The following FAT3 variants were observed in gnomAD, a reference collection of about 807,000 sequenced individuals.
FAT3 encodes protocadherin Fat 3.
FAT3 carries 95 observed loss-of-function variants against 310.2 expected under a neutral mutation model. The ratio of observed to expected loss-of-function variants is 0.31; its 90% confidence interval spans 0.26 to 0.36. The LOEUF is 0.36. Ranked by LOEUF, FAT3 falls within the 10% of genes least tolerant of loss-of-function variation. The pLI, the probability that FAT3 is intolerant of heterozygous loss-of-function variation, is 1.00. For synonymous variants in FAT3, 2,314 were observed against 2,192.9 expected, an observed-to-expected ratio of 1.06 and a Z score of -1.54; for missense variants, 5,408 against 5,715.6, an observed-to-expected ratio of 0.95 and a Z score of 1.74.
intron 7 of FAT3, among the ~76,000 whole-genome samples, chr11:92,779,708 A>G (rs1946689982): frequency 6.6e-6 from 1 of 152,158 alleles, no homozygotes; most frequent in Non-Finnish European, 1.5e-5. Context: ...TACATGGCAA[A>G]TGGGACTTCG....
At chr11:92,358,726 T>C (rs1032686081) in intron 2 of FAT3, among the ~76,000 whole-genome samples, 3 of 152,138 alleles carry the variant, frequency 2.0e-5, no homozygotes, top group African/African-American at 7.2e-5. Context: ...CAATTGTATG[T>C]TCAATAAGAG....
At chr11:92,729,463 G>A (rs1463787708) in intron 4 of FAT3, among the ~76,000 whole-genome samples, 1 of 139,822 alleles carries the variant, frequency 7.2e-6, no homozygotes, top group Non-Finnish European at 1.5e-5. Flanking sequence ...GTCTCGCTCT[G>A]TCACCCAGGC....
chr11:92,619,799 A>G (rs1940998444), intron 3 of FAT3, among the ~76,000 whole-genome samples: 1 of 151,800 alleles, frequency 6.6e-6, no homozygotes, highest in Non-Finnish European at 1.5e-5. Context: ...GAGCTTTTTA[A>G]AAAAAACACT....
At chr11:92,225,832 G>A (rs140696194) in intron 1 of FAT3, among the ~76,000 whole-genome samples, 280 of 152,282 alleles carry the variant, frequency 1.8e-3, no homozygotes, top group Non-Finnish European at 3.5e-3. Flanking sequence ...CATCCTTTAC[G>A]GAGTGGTTGG....
In FAT3 at chr11:92,889,766, T is replaced by A. The variant is rs1031608419; in HGVS notation, c.13112-90T>A. On this transcript the variant is annotated intron_variant, in intron 26 of 27. Coordinates refer to ENST00000525166, the MANE Select transcript of FAT3 (RefSeq NM_001367949.2). ...CGTAGCCCACAGGCCTTTAGGAGTA[T>A]GTTTTTAAAAGTCATCTCAAATGTT... is the stretch of plus-strand genomic sequence containing the variant. 4 of 708,750 alleles carry A rather than the reference T, an allele frequency of 5.6e-6. No homozygotes were observed. The African/African-American group carries it at 7.0e-5, about 12-fold the overall frequency. The allele number at this position is 708,750 out of a possible 1,614,324, so 43.9% of individuals were successfully genotyped here. A position where few individuals can be genotyped will look rare whatever the true frequency, so the allele number is the denominator to read the frequency against.
At chr11:92,550,773 T>TTTA (rs1334022970) in intron 3 of FAT3, among the ~76,000 whole-genome samples, 2 of 151,018 alleles carry the variant, frequency 1.3e-5, no homozygotes, top group Non-Finnish European at 2.9e-5. Context: ...CATTTATCTT[T>TTTA]TTTTTTTTTT....
intron 3 of FAT3, among the ~76,000 whole-genome samples, chr11:92,613,107 T>G (rs2135632311): frequency 2.0e-5 from 3 of 152,350 alleles, no homozygotes; most frequent in Admixed American, 2.0e-4. Flanking sequence ...AGATCAGAGT[T>G]TCCTATAGAT....
chr11:92,354,364 A>G lies in FAT3; in HGVS notation c.2252A>G (p.Tyr751Cys), dbSNP rs749591745. 16 of 1,613,824 alleles carry G rather than the reference A, an allele frequency of 9.9e-6. No individual in the cohort carries two copies. Among genetic ancestry groups the G allele is most frequent in the East Asian group, 2.2e-5 (1 of 44,894 alleles). ...VGANILKIKA[Y>C]DADSGFNGKV... ...GCTAACATTCTGAAGATTAAAGCCT[A>G]TGATGCCGACTCTGGCTTCAATGGA... Residue 751 changes from tyrosine to cysteine, a missense_variant, in exon 2 of 28, where the codon TAT becomes TGT. Transcript: ENST00000525166.
At chr11:92,598,330 A>G (rs945249616) in intron 3 of FAT3, among the ~76,000 whole-genome samples, 5 of 151,666 alleles carry the variant, frequency 3.3e-5, no homozygotes, top group African/African-American at 9.7e-5. Flanking sequence ...GGCTCAAGCA[A>G]TCTTCCTGCC....
chr11:92,447,215 A>ATGTGTGTGTG (rs369295353), intron 2 of FAT3, among the ~76,000 whole-genome samples: 122 of 123,008 alleles, frequency 9.9e-4, no homozygotes, highest in African/African-American at 3.2e-3. Flanking sequence ...GTGTATGTAT[A>ATGTGTGTGTG]TGTGTGCGTG....
rs116451476 is a variant in FAT3 at position 92,474,979 on chromosome 11, G to A, written c.3293-49655G>A. On this transcript the variant is annotated intron_variant, in intron 2 of 27. Coordinates refer to ENST00000525166, the MANE Select transcript of FAT3 (RefSeq NM_001367949.2). ...CTTTCTGATGATCTGCACCTGGCAGGCCTCATGGGCACATTGCCCTTCCCA... is the reference window on the plus strand; with the variant it reads ...CTTTCTGATGATCTGCACCTGGCAGACCTCATGGGCACATTGCCCTTCCCA... Among the ~76,000 whole-genome samples the A allele has an allele frequency of 7.2e-3, 1,092 of 152,276 alleles. 15 individuals are homozygous for A. Among genetic ancestry groups the A allele is most frequent in the African/African-American group, 0.025 (1,024 of 41,554 alleles).
chr11:92,449,962 A>G (rs974247869), intron 2 of FAT3, among the ~76,000 whole-genome samples: 1 of 152,170 alleles, frequency 6.6e-6, no homozygotes, highest in Admixed American at 6.5e-5. Context: ...TGAAGTTACC[A>G]TGGCCAACCA....
chr11:92,801,762 A>G lies in FAT3; in HGVS notation c.8749A>G (p.Ile2917Val). 1 of 1,613,956 alleles carries G rather than the reference A, an allele frequency of 6.2e-7. No homozygotes were observed. Residue 2917 changes from isoleucine to valine, a missense_variant, in exon 10 of 28, where the codon ATA becomes GTA. Ile to Val is a conservative substitution (Grantham distance 29). This residue lies in a region of FAT3 where 4,588 missense variants were observed against 4,809.8 expected (regional missense o/e 0.95). Coordinates refer to ENST00000525166, the MANE Select transcript of FAT3 (RefSeq NM_001367949.2). Reference sequence around the variant, plus strand: ...CTTGGTCTCTGTCAGAGTGACAGATATAAATGACAATGCACCAGTCTTCGC... The same window carrying G: ...CTTGGTCTCTGTCAGAGTGACAGATGTAAATGACAATGCACCAGTCTTCGC... ...TALVSVRVTD[I>V]NDNAPVFAQE... is the part of the protein sequence containing the mutation.
rs1943978376 is a variant in FAT3 at position 92,697,531 on chromosome 11, T to C, written c.3669+86T>C. 7 of 1,248,012 alleles carry C rather than the reference T, an allele frequency of 5.6e-6. No individual in the cohort carries two copies. In the African/African-American group the frequency reaches 7.4e-5, roughly 13 times the overall value. The allele number at this position is 1,248,012 out of a possible 1,614,324, so 77.3% of individuals were successfully genotyped here. A position where few individuals can be genotyped will look rare whatever the true frequency, so the allele number is the denominator to read the frequency against. ...TTCAACATAAACTACACCTTCAATA[T>C]ATTTGAACAGTGGATATCAAAGTGA... On this transcript the variant is annotated intron_variant, in intron 4 of 27. Transcript: ENST00000525166.
chr11:92,559,383 C>CTTT lies in FAT3; in HGVS notation c.3607+34452_3607+34454dup, dbSNP rs386374501. The CTTT allele has an allele frequency of 9.1e-3, 1,308 of 143,966 alleles. 30 individuals are homozygous for CTTT. The highest frequency in any genetic ancestry group is 0.02 in the South Asian group (167 of 8,544). 8.9% of individuals were successfully genotyped at this position (143,966 alleles called of 1,614,324 possible). ...GCTGGGTGATTGTTTACTTATTTTC[C>CTTT]TTTTTTTTTTTTTTTTTTTGAAACA... On this transcript the variant is annotated intron_variant, in intron 3 of 27. Transcript: ENST00000525166.
intron 2 of FAT3, among the ~76,000 whole-genome samples, chr11:92,491,592 T>C (rs974279425): frequency 1.3e-5 from 2 of 152,090 alleles, no homozygotes; most frequent in Non-Finnish European, 2.9e-5. Context: ...GTGCTGTATA[T>C]GTAGGAATTT....
Position 92,799,672 on chromosome 11 carries a change from A to G in FAT3, c.6659A>G (p.Tyr2220Cys). The change falls in exon 10 of 28, where the codon TAT becomes TGT. Residue 2220 changes from tyrosine to cysteine, a missense_variant. This residue lies in a region of FAT3 where 4,588 missense variants were observed against 4,809.8 expected (regional missense o/e 0.95). Transcript: ENST00000525166. ...ATSPEGQGIIYIIIDGDPFKQ... is the reference protein window; with the variant it reads ...ATSPEGQGIICIIIDGDPFKQ... Reference sequence around the variant, plus strand: ...AGTCCAGAAGGCCAAGGCATCATATATATCATTATCGATGGGGACCCTTTT... The same window carrying G: ...AGTCCAGAAGGCCAAGGCATCATATGTATCATTATCGATGGGGACCCTTTT... 6.2e-7 allele frequency: 1 copy of G among 1,613,710 alleles called. No individual in the cohort carries two copies.
chr11:92,242,364 A>C (rs902325611), intron 1 of FAT3, among the ~76,000 whole-genome samples: 1 of 152,078 alleles, frequency 6.6e-6, no homozygotes, highest in Admixed American at 6.6e-5. Flanking sequence ...CAATCTTAAT[A>C]AAGGACAACA....
intron 1 of FAT3, among the ~76,000 whole-genome samples, chr11:92,248,508 A>G (rs529558911): frequency 2.6e-5 from 4 of 152,264 alleles, no homozygotes; most frequent in African/African-American, 9.6e-5. Flanking sequence ...AATGCATGAA[A>G]GTTTACGCTT....
Sources: allele counts gnomAD v4.1 joint callset (sites outside exome capture counted in the v4.1 genomes callset), GRCh38; gene constraint gnomAD v4.1.1; regional missense constraint gnomAD v4.1.1; transcripts MANE v1.5; gene names NCBI Gene and HGNC (gene_info 2026-07-23, HGNC 2026-07-21).